Variants in EPHA6 observed in about 807,000 individuals in gnomAD.
EPHA6 encodes the protein EPH receptor A6.
In EPHA6, 50 loss-of-function variants were observed where a neutral mutation model predicts 112.0. The ratio of observed to expected loss-of-function variants is 0.45; its 90% confidence interval spans 0.36 to 0.56. The LOEUF is 0.56. Among genes scored for constraint, EPHA6 ranks in the 20% least tolerant of loss-of-function variants. The probability of loss-of-function intolerance (pLI) is 0.00; values close to 1 mark genes in which losing one functional copy is unlikely to be tolerated. For synonymous variants in EPHA6, 529 were observed against 490.7 expected, an observed-to-expected ratio of 1.08 and a Z score of -1.03; for missense variants, 1,280 against 1,417.4, an observed-to-expected ratio of 0.90 and a Z score of 1.56.
intron 3 of EPHA6, among the ~76,000 whole-genome samples, chr3:97,058,349 G>A (rs1047014537): frequency 2.0e-5 from 3 of 151,966 alleles, no homozygotes; most frequent in South Asian, 2.1e-4. Flanking sequence ...CCAGGCTGAA[G>A]TACAACGGCG....
chr3:96,861,007 C>T (rs2035974997), intron 1 of EPHA6, among the ~76,000 whole-genome samples: 1 of 151,826 alleles, frequency 6.6e-6, no homozygotes, highest in Non-Finnish European at 1.5e-5. Flanking sequence ...CTCAGGAGCC[C>T]AGGAGGGAAC....
intron 3 of EPHA6, among the ~76,000 whole-genome samples, chr3:97,033,082 A>G (rs144929672): frequency 1.3e-5 from 2 of 152,014 alleles, no homozygotes; most frequent in African/African-American, 2.4e-5. Flanking sequence ...AAAAGGAAGT[A>G]TACCAGTACC....
At chr3:96,871,775 A>G (rs955046347) in intron 2 of EPHA6, among the ~76,000 whole-genome samples, 2 of 152,064 alleles carry the variant, frequency 1.3e-5, no homozygotes. Context: ...TACTATATCC[A>G]GGTTTGCTTG....
Position 97,592,712 on chromosome 3 carries a change from A to G in EPHA6, c.2487A>G (p.Gly829=). Residue 829 remains glycine, a synonymous_variant, in exon 12 of 18, where the codon GGA becomes GGG. Coordinates refer to ENST00000389672, the MANE Select transcript of EPHA6 (RefSeq NM_001080448.3). Reference sequence around the variant, plus strand: ...CCCCGCATCCAGTGCCAGGGGGAGGATCTTTGCCCCCCAGGATTCCTGCTG... The same window carrying G: ...CCCCGCATCCAGTGCCAGGGGGAGGGTCTTTGCCCCCCAGGATTCCTGCTG... ...IQAPHPVPGG[G]SLPPRIPAGR... 1 of 1,601,290 alleles carries G rather than the reference A, an allele frequency of 6.2e-7. No homozygotes were observed.
chr3:97,180,081 A>G (rs936598947), intron 3 of EPHA6, among the ~76,000 whole-genome samples: 10 of 152,102 alleles, frequency 6.6e-5, no homozygotes, highest in African/African-American at 2.4e-4. Context: ...CTATAAGTGC[A>G]TCTAAGCTGG....
intron 1 of EPHA6, 67 bp downstream of exon 1, chr3:96,815,075 G>A: frequency 7.0e-7 from 1 of 1,422,698 alleles, no homozygotes; most frequent in Non-Finnish European, 9.3e-7. Context: ...CCAGGGTACT[G>A]GTTGCCTCCT....
intron 11 of EPHA6, among the ~76,000 whole-genome samples, chr3:97,535,908 C>CT (rs1375782094): frequency 1.3e-5 from 2 of 151,994 alleles, no homozygotes; most frequent in Non-Finnish European, 2.9e-5. Flanking sequence ...CTTGGGAACA[C>CT]TTTGGCTCTC....
chr3:97,206,294 CT>C (rs1448377856), intron 3 of EPHA6, among the ~76,000 whole-genome samples: 1 of 151,962 alleles, frequency 6.6e-6, no homozygotes, highest in Non-Finnish European at 1.5e-5. Flanking sequence ...ATTTGGTATA[CT>C]GTCAACAGAA....
intron 10 of EPHA6, among the ~76,000 whole-genome samples, chr3:97,517,318 G>C (rs1246841912): frequency 6.6e-6 from 1 of 152,082 alleles, no homozygotes; most frequent in East Asian, 1.9e-4. Flanking sequence ...GAGGGTGTTA[G>C]AAAGAACCAA....
At chr3:97,364,787 T>A (rs1195436479) in intron 5 of EPHA6, among the ~76,000 whole-genome samples, 1 of 152,194 alleles carries the variant, frequency 6.6e-6, no homozygotes, top group African/African-American at 2.4e-5. Context: ...TAAAACTTAC[T>A]GATTTCTTAA....
At chr3:97,233,603 A>G (rs2078597118) in intron 4 of EPHA6, among the ~76,000 whole-genome samples, 2 of 152,068 alleles carry the variant, frequency 1.3e-5, no homozygotes, top group Non-Finnish European at 2.9e-5. Context: ...GCCATTATTT[A>G]TTTCCTTTAT....
chr3:97,186,571 G>A (rs562070598), intron 3 of EPHA6, among the ~76,000 whole-genome samples: 35 of 152,146 alleles, frequency 2.3e-4, no homozygotes, highest in Non-Finnish European at 4.3e-4. Flanking sequence ...GGTGCCAAAC[G>A]TATCGATTCA....
chr3:97,204,627 A>G (rs568849485), intron 3 of EPHA6, among the ~76,000 whole-genome samples: 1 of 152,262 alleles, frequency 6.6e-6, no homozygotes, highest in African/African-American at 2.4e-5. Flanking sequence ...TAACGCAGAG[A>G]AGAAGTTTCT....
chr3:97,565,872 C>G (rs1420457284), intron 11 of EPHA6, among the ~76,000 whole-genome samples: 1 of 151,924 alleles, frequency 6.6e-6, no homozygotes, highest in Non-Finnish European at 1.5e-5. Context: ...CAAAAATTAG[C>G]TGGGTGTGGT....
chr3:97,145,469 T>G (rs2076020272), intron 3 of EPHA6, among the ~76,000 whole-genome samples: 1 of 151,472 alleles, frequency 6.6e-6, no homozygotes, highest in Admixed American at 6.6e-5. Flanking sequence ...TAAAAAATTT[T>G]TATTTCTCTT....
intron 2 of EPHA6, among the ~76,000 whole-genome samples, chr3:96,928,658 G>A (rs908974531): frequency 3.3e-5 from 5 of 152,078 alleles, no homozygotes; most frequent in Non-Finnish European, 7.3e-5. Flanking sequence ...GCTGAGTTCA[G>A]GTCCTGAATA....
At chr3:97,338,632 A>G (rs1292591550) in intron 5 of EPHA6, among the ~76,000 whole-genome samples, 1 of 152,152 alleles carries the variant, frequency 6.6e-6, no homozygotes, top group Non-Finnish European at 1.5e-5. Context: ...CAAGCTCCAG[A>G]AGGCTTGCAA....
intron 1 of EPHA6, among the ~76,000 whole-genome samples, chr3:96,841,780 A>C (rs532980126): frequency 1.3e-5 from 2 of 152,262 alleles, no homozygotes; most frequent in Non-Finnish European, 2.9e-5. Flanking sequence ...AAGTATACAT[A>C]AAAATTTTTA....
chr3:97,032,035 T>C (rs1248488778), intron 3 of EPHA6, among the ~76,000 whole-genome samples: 1 of 152,084 alleles, frequency 6.6e-6, no homozygotes, highest in Non-Finnish European at 1.5e-5. Context: ...TAGCAAAGAC[T>C]TGGAACCAAG....
Sources: gnomAD v4.1 joint callset for allele counts (sites outside exome capture counted in the v4.1 genomes callset) on GRCh38, gnomAD v4.1.1 for gene constraint, MANE v1.5 for transcripts, NCBI Gene and HGNC (gene_info 2026-07-23, HGNC 2026-07-21) for gene names.